Variants in SAMMSON observed in about 807,000 individuals in gnomAD.
SAMMSON encodes survival associated mitochondrial melanoma specific oncogenic non-coding RNA.
At chr3:70,013,746 G>T (rs1192576250) in intron 3 of SAMMSON, 1 of 152,146 alleles carries the variant, frequency 6.6e-6, no homozygotes. Context: ...AATTTTGCAT[G>T]AATTTTTAAG....
chr3:70,265,948 TC>T (rs768259775), intron 6 of SAMMSON, among the ~76,000 whole-genome samples: 6 of 152,110 alleles, frequency 3.9e-5, no homozygotes, highest in African/African-American at 1.4e-4. Context: ...CCACCTGGTC[TC>T]CCCCTTGACA....
At chr3:70,395,579 C>A (rs1010714451) in intron 2 of SAMMSON, among the ~76,000 whole-genome samples, 1 of 152,050 alleles carries the variant, frequency 6.6e-6, no homozygotes, top group Non-Finnish European at 1.5e-5. Context: ...CACAGTTTTA[C>A]AAAATCTACT....
chr3:70,255,780 C>T (rs1045949090), intron 6 of SAMMSON, among the ~76,000 whole-genome samples: 3 of 152,184 alleles, frequency 2.0e-5, no homozygotes, highest in African/African-American at 7.2e-5. Context: ...TCAACTGCAG[C>T]TTATGTGCCC....
intron 4 of SAMMSON, among the ~76,000 whole-genome samples, chr3:70,182,604 C>T (rs925684363): frequency 1.3e-5 from 2 of 152,122 alleles, no homozygotes; most frequent in African/African-American, 4.8e-5. Flanking sequence ...AATTTTACCT[C>T]AATCTCAATG....
intron 4 of SAMMSON, among the ~76,000 whole-genome samples, chr3:70,170,878 A>G (rs1337665324): frequency 6.6e-6 from 1 of 151,848 alleles, no homozygotes; most frequent in African/African-American, 2.4e-5. Flanking sequence ...CTTTGACCAC[A>G]TTTTGTTGTA....
intron 3 of SAMMSON, among the ~76,000 whole-genome samples, chr3:70,034,768 TG>T (rs1185285045): frequency 4.6e-5 from 7 of 152,070 alleles, no homozygotes; most frequent in Admixed American, 4.6e-4. Flanking sequence ...TGCTTGAATC[TG>T]GGAGGCGGAG....
chr3:70,253,896 A>G (rs139682889), intron 6 of SAMMSON, among the ~76,000 whole-genome samples: 68 of 152,338 alleles, frequency 4.5e-4, no homozygotes, highest in African/African-American at 1.5e-3. Flanking sequence ...CTTTTTAAAC[A>G]TACTAAAAAT....
intron 1 of SAMMSON, among the ~76,000 whole-genome samples, chr3:70,004,335 G>A (rs1335013908): frequency 6.6e-6 from 1 of 151,958 alleles, no homozygotes; most frequent in African/African-American, 2.4e-5. Context: ...TTGATTTCTT[G>A]GGACAAACTT....
intron 4 of SAMMSON, among the ~76,000 whole-genome samples, chr3:70,163,532 T>G (rs1173571949): frequency 5.3e-5 from 8 of 151,944 alleles, no homozygotes; most frequent in Admixed American, 5.3e-4. Context: ...GTCATATAAA[T>G]TACATGAAAT....
At chr3:70,244,540 G>C (rs540346340) in intron 4 of SAMMSON, among the ~76,000 whole-genome samples, 11 of 152,252 alleles carry the variant, frequency 7.2e-5, no homozygotes, top group East Asian at 1.9e-4. Flanking sequence ...AAATCTATTT[G>C]ATCAATATAT....
chr3:70,129,808 T>A (rs1343377108), intron 4 of SAMMSON, among the ~76,000 whole-genome samples: 1 of 152,224 alleles, frequency 6.6e-6, no homozygotes. Context: ...CATCAAGAGA[T>A]GGGGACTTTG....
chr3:70,237,964 C>T (rs1575603958), intron 4 of SAMMSON, among the ~76,000 whole-genome samples: 1 of 99,608 alleles, frequency 1.0e-5, no homozygotes, highest in African/African-American at 4.6e-5. Flanking sequence ...GGAAAAGAAA[C>T]TAATTGAGTG....
downstream of SAMMSON, among the ~76,000 whole-genome samples, chr3:70,393,730 G>T (rs186032418): frequency 1.3e-5 from 2 of 152,044 alleles, no homozygotes; most frequent in Admixed American, 1.3e-4. Flanking sequence ...AGGTGCAAAG[G>T]TCTGGAGGTG....
intron 1 of SAMMSON, among the ~76,000 whole-genome samples, chr3:70,007,678 T>G (rs1312919753): frequency 6.6e-6 from 1 of 152,188 alleles, no homozygotes; most frequent in Admixed American, 6.5e-5. Flanking sequence ...ATTTTGGCTT[T>G]TGTTGCCATT....
At chr3:70,371,067 G>A (rs1192392761) in intron 9 of SAMMSON, among the ~76,000 whole-genome samples, 1 of 152,038 alleles carries the variant, frequency 6.6e-6, no homozygotes, top group Non-Finnish European at 1.5e-5. Context: ...TTATTGAAGA[G>A]GATGTCCTTT....
At chr3:70,246,279 C>T (rs1038599734) in intron 4 of SAMMSON, among the ~76,000 whole-genome samples, 1 of 152,038 alleles carries the variant, frequency 6.6e-6, no homozygotes, top group Non-Finnish European at 1.5e-5. Context: ...GGATAAAGGT[C>T]ACACTTTGTT....
intron 7 of SAMMSON, among the ~76,000 whole-genome samples, chr3:70,337,893 A>C (rs1003064779): frequency 3.3e-5 from 5 of 151,808 alleles, no homozygotes; most frequent in Non-Finnish European, 7.4e-5. Context: ...TTTTATATTA[A>C]ATATTTAAAA....
intron 2 of SAMMSON, among the ~76,000 whole-genome samples, chr3:70,410,765 C>T (rs545270723): frequency 9.2e-5 from 14 of 152,122 alleles, no homozygotes; most frequent in African/African-American, 3.4e-4. Flanking sequence ...TGCCTACTGC[C>T]GTAAATAGAA....
At chr3:70,389,497 C>A (rs1701024717) in intron 9 of SAMMSON, 1 of 152,002 alleles carries the variant, frequency 6.6e-6, no homozygotes, top group African/African-American at 2.4e-5. Flanking sequence ...TGTTTAATAT[C>A]CATTTATTTT....
Sources: gnomAD v4.1 joint callset for allele counts (sites outside exome capture counted in the v4.1 genomes callset) on GRCh38, gnomAD v4.1.1 for gene constraint, MANE v1.5 for transcripts, NCBI Gene and HGNC (gene_info 2026-07-23, HGNC 2026-07-21) for gene names.